The following PHYHD1 variants were observed in gnomAD, a reference collection of about 807,000 sequenced individuals.
The protein encoded by PHYHD1 is phytanoyl-CoA dioxygenase domain-containing protein 1.
A neutral mutation model predicts 43.6 loss-of-function variants in PHYHD1; 42 were observed. The ratio of observed to expected loss-of-function variants is 0.96; its 90% CI spans 0.75 to 1.25. PHYHD1 has a LOEUF of 1.25. PHYHD1 is among the 50% of genes most tolerant of loss of function. PHYHD1 has a pLI of 0.00. For synonymous variants in PHYHD1, 139 were observed against 143.6 expected (o/e 0.97, Z 0.23); for missense variants, 342 against 370.8 (o/e 0.92, Z 0.64).
chr9:128,937,774 T>C lies in PHYHD1; in HGVS notation c.453T>C (p.Gly151=), dbSNP rs1841461937. The change falls in exon 9 of 13, where the codon GGT becomes GGC. Residue 151 remains glycine, a synonymous_variant. Transcript: ENST00000372592. ...TCTTGCAGCAACCTCACTTTGGCGG[T>C]GAAGGTGAGCTGAGAGCTGTGGGCC... is the stretch of plus-strand genomic sequence containing the variant. ...MYIFKQPHFG[G]EVSPHQDASF... The C allele has an allele frequency of 3.1e-6, 5 of 1,613,840 alleles. No homozygotes were observed. The highest frequency in any genetic ancestry group is 4.2e-6 in the Non-Finnish European group (5 of 1,179,980).
intron 4 of PHYHD1, among the ~76,000 whole-genome samples, chr9:128,932,611 C>CCCT (rs1841319300): frequency 6.6e-6 from 1 of 151,822 alleles, no homozygotes; most frequent in Non-Finnish European, 1.5e-5. Flanking sequence ...AGGTGGTCTG[C>CCCT]CCTCCTTGGC....
At chr9:128,922,402 C>T (rs1391141462) in intron 3 of PHYHD1, 46 bp downstream of exon 3, 2 of 1,540,252 alleles carry the variant, frequency 1.3e-6, no homozygotes, top group African/African-American at 2.8e-5. Flanking sequence ...GCGGGGGGGT[C>T]CCTGCCGGAC....
intron 1 of PHYHD1, 121 bp from the exon 2 acceptor site, chr9:128,921,809 G>C (rs1841004801): frequency 6.5e-6 from 1 of 153,758 alleles, no homozygotes; most frequent in Non-Finnish European, 1.4e-5. Flanking sequence ...GTTTCAGATC[G>C]GTGCTGGGAG....
intron 5 of PHYHD1, 37 bp from the exon 6 acceptor site, chr9:128,933,974 A>G (rs752298640): frequency 1.2e-6 from 2 of 1,611,976 alleles, no homozygotes; most frequent in South Asian, 2.2e-5. Context: ...AAGGCTGGAC[A>G]CCAGTTCTCT....
At chr9:128,937,685 C>G in intron 8 of PHYHD1, 72 bp from the exon 9 acceptor site, 4 of 1,579,628 alleles carry the variant, frequency 2.5e-6, no homozygotes, top group Non-Finnish European at 3.5e-6. Flanking sequence ...CAATAGCATC[C>G]TGGGAGTCTC....
In PHYHD1 at chr9:128,941,857, T is replaced by C. The variant is rs1396635070; in HGVS notation, c.*144T>C. The C allele has an allele frequency of 1.8e-6, 2 of 1,139,978 alleles. No individual in the cohort carries two copies. The highest frequency in any genetic ancestry group is 2.5e-5 in the East Asian group (1 of 39,370). The allele number at this position is 1,139,978 out of a possible 1,614,324, so 70.6% of individuals were successfully genotyped here. On this transcript the variant is annotated 3_prime_UTR_variant, in exon 13 of 13. Transcript: ENST00000372592. Reference sequence around the variant, plus strand: ...TCCTCCTGCCCTGTGGGCAGCAGCCTAGGCTGGGTCAGGGGCTTCCCTAAG... The same window carrying C: ...TCCTCCTGCCCTGTGGGCAGCAGCCCAGGCTGGGTCAGGGGCTTCCCTAAG...
Position 128,927,204 on chromosome 9 carries a change from T to C in PHYHD1, c.192+8T>C. The C allele has an allele frequency of 6.2e-7, 1 of 1,613,562 alleles. No individual in the cohort carries two copies. Among genetic ancestry groups the C allele is most frequent in the Non-Finnish European group, 8.5e-7 (1 of 1,179,926 alleles). On this transcript the variant is annotated splice_region_variant and intron_variant, in intron 4 of 12. Transcript: ENST00000372592. Reference sequence around the variant, plus strand: ...GAGCAGCTTCGAGCCCAGGTAGGTGTCTGGGGCACATGAGGATGGGATGTG... The same window carrying C: ...GAGCAGCTTCGAGCCCAGGTAGGTGCCTGGGGCACATGAGGATGGGATGTG...
At chr9:128,938,873 G>A (rs1282228071) in intron 9 of PHYHD1, among the ~76,000 whole-genome samples, 1 of 130,868 alleles carries the variant, frequency 7.6e-6, no homozygotes, top group Non-Finnish European at 1.8e-5. Context: ...TGGTGACAGG[G>A]AGCTCATCCC....
At chr9:128,938,426 TG>T (rs1050473569) in intron 9 of PHYHD1, among the ~76,000 whole-genome samples, 37 of 152,014 alleles carry the variant, frequency 2.4e-4, no homozygotes, top group African/African-American at 8.2e-4. Flanking sequence ...ATCTGTTTTT[TG>T]GGTTTTTTTT....
At chr9:128,933,401 T>A (rs1230998803) in intron 4 of PHYHD1, among the ~76,000 whole-genome samples, 1 of 151,952 alleles carries the variant, frequency 6.6e-6, no homozygotes, top group Non-Finnish European at 1.5e-5. Context: ...TCTGCCTCAA[T>A]ATGCTGGGAT....
Position 128,936,763 on chromosome 9 carries a change from T to C in PHYHD1, c.435+118T>C, listed in dbSNP as rs182412118. On this transcript the variant is annotated intron_variant, in intron 8 of 12. Transcript: ENST00000372592. ...GAATTATTATGTTGGTGGGAGAACA[T>C]GGAAAATCGGTCTCCTCTGGCTAAA... 7.6e-4 allele frequency: 914 copies of C among 1,195,858 alleles called. 2 individuals carry two copies. The highest frequency in any genetic ancestry group is 9.6e-4 in the Non-Finnish European group (810 of 846,728). The allele number at this position is 1,195,858 out of a possible 1,614,324, so 74.1% of individuals were successfully genotyped here.
chr9:128,927,260 G>GAGCAGCATC, intron 4 of PHYHD1, 64 bp downstream of exon 4: 1 of 1,592,224 alleles, frequency 6.3e-7, no homozygotes, highest in Non-Finnish European at 8.6e-7. Context: ...TCCCCGGCCA[G>GAGCAGCATC]AGCAGCATCG....
chr9:128,923,116 G>T (rs1409526957), intron 3 of PHYHD1, among the ~76,000 whole-genome samples: 1 of 152,120 alleles, frequency 6.6e-6, no homozygotes, highest in Non-Finnish European at 1.5e-5. Context: ...GGCTAATTTT[G>T]TATTTTTAGT....
At chr9:128,922,936 CTTTT>C (rs59238657) in intron 3 of PHYHD1, among the ~76,000 whole-genome samples, 1,807 of 90,580 alleles carry the variant, frequency 0.02, 14 homozygotes, top group Non-Finnish European at 0.022. Context: ...ATGCCCAGCT[CTTTT>C]TTTTTTTTTT....
In PHYHD1 at chr9:128,941,445, G is replaced by C; in HGVS notation, c.704G>C (p.Gly235Ala). The change falls in exon 12 of 13, where the codon GGG (glycine) becomes GCG (alanine). Residue 235 changes from glycine (G) to alanine (A), a missense_variant and splice_region_variant. By Grantham distance (60) the Gly-to-Ala change is moderately conservative. Coordinates refer to ENST00000372592, the MANE Select transcript of PHYHD1 (RefSeq NM_001100876.2). Reference sequence around the variant, plus strand: ...CCTGACCTGCTTGTGTCTCTGCCAGGGGCCCTGGTCCTCATCCATGGAGAA... The same window carrying C: ...CCTGACCTGCTTGTGTCTCTGCCAGCGGCCCTGGTCCTCATCCATGGAGAA... ...SLFVPTPVQR[G>A]ALVLIHGEVV... 1 of 1,613,138 alleles carries C rather than the reference G, an allele frequency of 6.2e-7. No homozygotes were observed. Among genetic ancestry groups the C allele is most frequent in the Non-Finnish European group, 8.5e-7 (1 of 1,179,972 alleles).
intron 4 of PHYHD1, among the ~76,000 whole-genome samples, chr9:128,933,253 A>C (rs1588251869): frequency 6.9e-6 from 1 of 144,726 alleles, no homozygotes; most frequent in East Asian, 2.0e-4. Flanking sequence ...TCCCATGTTC[A>C]AGTTATTCTC....
chr9:128,924,893 C>CCATT (rs1272314067), intron 3 of PHYHD1, among the ~76,000 whole-genome samples: 9 of 152,046 alleles, frequency 5.9e-5, no homozygotes, highest in Non-Finnish European at 1.2e-4. Flanking sequence ...TGAGATCATG[C>CCATT]CATTGCACTC....
intron 4 of PHYHD1, among the ~76,000 whole-genome samples, chr9:128,932,420 T>C (rs1841314772): frequency 6.6e-6 from 1 of 151,904 alleles, no homozygotes; most frequent in Admixed American, 6.6e-5. Flanking sequence ...CAGGGTGGAG[T>C]GCAATGGCAC....
chr9:128,940,547 G>A (rs753015979), intron 10 of PHYHD1, 50 bp downstream of exon 10: 8 of 1,613,930 alleles, frequency 5.0e-6, no homozygotes, highest in South Asian at 1.1e-5. Context: ...ACCCCCTAGG[G>A]AGAGGGACCT....
Sources: gnomAD v4.1 joint callset for allele counts (sites outside exome capture counted in the v4.1 genomes callset) on GRCh38, gnomAD v4.1.1 for gene constraint, MANE v1.5 for transcripts, NCBI Gene and HGNC (gene_info 2026-07-23, HGNC 2026-07-21) for gene names.